ADRA1A: variants seen among roughly 807,000 people sequenced by gnomAD.
ADRA1A encodes the protein alpha-1A adrenergic receptor.
In ADRA1A, 31 loss-of-function variants were observed where a neutral mutation model predicts 29.6. The observed-to-expected ratio is 1.05, with a 90% CI of 0.79 to 1.41. ADRA1A has a LOEUF of 1.41. ADRA1A is among the 40% of genes most tolerant of loss of function. The pLI, the probability that ADRA1A is intolerant of heterozygous loss-of-function variation, is 0.00. For synonymous variants in ADRA1A, 311 were observed against 254.3 expected (o/e 1.22, Z -2.12); for missense variants, 619 against 601.1 (o/e 1.03, Z -0.31).
rs1391471439 is a variant in ADRA1A, at chr8:26,825,168, C to G, written c.883+38919G>C. 1.3e-5 allele frequency among the ~76,000 whole-genome samples: 2 copies of G among 152,208 alleles called. No homozygotes were observed. Among genetic ancestry groups the G allele is most frequent in the African/African-American group, 4.8e-5 (2 of 41,454 alleles). ...CCCCACATGTCCCACCCTGAGCTTGCTAGGCCTTCCAGGGCCTCGGTCCCC... is the reference window on the plus strand; with the variant it reads ...CCCCACATGTCCCACCCTGAGCTTGGTAGGCCTTCCAGGGCCTCGGTCCCC... On this transcript the variant is annotated intron_variant, in intron 2 of 2. Transcript: ENST00000380573. The surrounding 1 kb of genome is among the most constrained non-coding windows in gnomAD (Gnocchi z 5.7).
chr8:26,817,212 T>C (rs1304272105), intron 2 of ADRA1A, among the ~76,000 whole-genome samples: 1 of 152,080 alleles, frequency 6.6e-6, no homozygotes. Context: ...TCAATAAAAA[T>C]AGAATTGAAA....
intron 2 of ADRA1A, among the ~76,000 whole-genome samples, chr8:26,816,528 G>GGTGTGTGT (rs1357840136): frequency 2.3e-4 from 28 of 120,726 alleles, no homozygotes; most frequent in Non-Finnish European, 3.1e-4. Context: ...AGGTGCTCAT[G>GGTGTGTGT]GTGTATGTGT....
downstream of ADRA1A, among the ~76,000 whole-genome samples, chr8:26,767,251 G>A (rs1287909339): frequency 2.0e-5 from 3 of 152,136 alleles, no homozygotes; most frequent in Admixed American, 6.5e-5. Context: ...AGAAGACATC[G>A]TTACTCTGGG....
chr8:26,795,772 A>AG (rs1393310569), intron 2 of ADRA1A, among the ~76,000 whole-genome samples: 2 of 152,172 alleles, frequency 1.3e-5, no homozygotes, highest in Non-Finnish European at 2.9e-5. Context: ...AACCATAAGG[A>AG]GGAGAATATA....
Position 26,770,184 on chromosome 8 carries a change from T to C in ADRA1A, c.1366A>G (p.Thr456Ala), listed in dbSNP as rs1421717697. The C allele has an allele frequency of 1.3e-6, 2 of 1,582,580 alleles. No individual in the cohort carries two copies. The highest frequency in any genetic ancestry group is 1.2e-5 in the South Asian group (1 of 84,594). ...NHQVPTIKVH[T>A]ISLSENGEEV The stretch of plus-strand genomic sequence containing the variant: ...TCCCCGTTCTCACTGAGGGAGATGG[T>C]GTGGACCTTAATGGTTGGAACTTGA... The change falls in exon 3 of 3, where the codon ACC (threonine) becomes GCC (alanine). Residue 456 changes from threonine (T) to alanine (A), a missense_variant. Transcript: ENST00000380573.
In ADRA1A at chr8:26,787,086, T is replaced by A. The variant is rs1807448661; in HGVS notation, c.884-16420A>T. On this transcript the variant is annotated intron_variant, in intron 2 of 2. Coordinates refer to ENST00000380573, the MANE Select transcript of ADRA1A (RefSeq NM_000680.4). The surrounding 1 kb of genome is among the most constrained non-coding windows in gnomAD (Gnocchi z 4.2). The stretch of plus-strand genomic sequence containing the variant: ...AGGCTTAAGGAGTTTAATTTGCAAC[T>A]AAGGAAAATAGCTGAGCTCAGATTC... Among the ~76,000 whole-genome samples the A allele has an allele frequency of 6.6e-6, 1 of 152,132 alleles. No individual in the cohort carries two copies. The highest frequency in any genetic ancestry group is 1.5e-5 in the Non-Finnish European group (1 of 68,028).
intron 2 of ADRA1A, chr8:26,859,022 G>C (rs1375588144): frequency 8.2e-7 from 1 of 1,224,248 alleles, no homozygotes. Flanking sequence ...CAGTCAAATA[G>C]CCTACTCACC....
intron 2 of ADRA1A, among the ~76,000 whole-genome samples, chr8:26,830,077 C>T (rs1446270381): frequency 1.3e-5 from 2 of 152,118 alleles, no homozygotes; most frequent in African/African-American, 4.8e-5. Flanking sequence ...CTAATGGACT[C>T]CATTCTGAGA....
In ADRA1A at chr8:26,825,669, T is replaced by C. The variant is rs1472488156; in HGVS notation, c.883+38418A>G. Among the ~76,000 whole-genome samples, 1 of 152,226 alleles carries C rather than the reference T, an allele frequency of 6.6e-6. No homozygotes were observed. Among genetic ancestry groups the C allele is most frequent in the Non-Finnish European group, 1.5e-5 (1 of 68,040 alleles). On this transcript the variant is annotated intron_variant, in intron 2 of 2. Coordinates refer to ENST00000380573, the MANE Select transcript of ADRA1A (RefSeq NM_000680.4). This position sits in a 1 kb window ranked among gnomAD's most constrained non-coding sequence, Gnocchi z 5.7. ...CCTTCACAGAGCAACTGTCATTCTTTAGGAAAAATCAAAATTTAGCTTGTA... is the reference window on the plus strand; with the variant it reads ...CCTTCACAGAGCAACTGTCATTCTTCAGGAAAAATCAAAATTTAGCTTGTA...
intron 2 of ADRA1A, among the ~76,000 whole-genome samples, chr8:26,846,153 G>A (rs551284085): frequency 6.6e-6 from 1 of 152,198 alleles, no homozygotes; most frequent in Non-Finnish European, 1.5e-5. Flanking sequence ...GGCATCTGGA[G>A]ACCTCAGGGT....
Position 26,864,475 on chromosome 8 carries a change from C to G in ADRA1A, c.495G>C (p.Trp165Cys), listed in dbSNP as rs997765683. Reference sequence around the variant, plus strand: ...TCTCGTCCTCGGGGGCCGGCTGCCTCCAGCCGAACAGGGGTCCAATGGATA... The same window carrying G: ...TCTCGTCCTCGGGGGCCGGCTGCCTGCAGCCGAACAGGGGTCCAATGGATA... Reference protein sequence around the residue: ...LVISIGPLFGWRQPAPEDETI... With the variant: ...LVISIGPLFGCRQPAPEDETI... Residue 165 changes from tryptophan to cysteine, a missense_variant, in exon 2 of 3, where the codon TGG becomes TGC. Trp to Cys is a radical substitution (Grantham distance 215, BLOSUM62 -2). Coordinates refer to ENST00000380573, the MANE Select transcript of ADRA1A (RefSeq NM_000680.4). The surrounding 1 kb of genome is among the most constrained non-coding windows in gnomAD (Gnocchi z 8.1). 1.2e-6 allele frequency: 2 copies of G among 1,613,588 alleles called. No individual in the cohort carries two copies. Among genetic ancestry groups the G allele is most frequent in the Non-Finnish European group, 1.7e-6 (2 of 1,180,040 alleles).
downstream of ADRA1A, among the ~76,000 whole-genome samples, chr8:26,767,500 G>A (rs1387385881): frequency 1.3e-5 from 2 of 152,158 alleles, no homozygotes; most frequent in Non-Finnish European, 2.9e-5. Context: ...GGAAAAAAAT[G>A]TTAAAAGTTT....
chr8:26,770,734 A>G, intron 2 of ADRA1A, 68 bp from the exon 3 acceptor site: 1 of 1,512,576 alleles, frequency 6.6e-7, no homozygotes, highest in South Asian at 1.3e-5. Context: ...TAGGAAAACA[A>G]TCAAACAGAC....
downstream of ADRA1A, among the ~76,000 whole-genome samples, chr8:26,754,537 A>C (rs1022397884): frequency 6.6e-6 from 1 of 152,116 alleles, no homozygotes; most frequent in Non-Finnish European, 1.5e-5. Context: ...CATAGCAGCT[A>C]AAATCAGCCA....
At chr8:26,764,684 C>T (rs149683681), downstream of ADRA1A, among the ~76,000 whole-genome samples, 7 of 152,266 alleles carry the variant, frequency 4.6e-5, no homozygotes, top group Non-Finnish European at 1.0e-4. Flanking sequence ...TTCTACTGCA[C>T]AGGGATGACT....
intron 2 of ADRA1A, among the ~76,000 whole-genome samples, chr8:26,861,960 C>G (rs547016518): frequency 1.3e-5 from 2 of 152,106 alleles, no homozygotes; most frequent in South Asian, 2.1e-4. Flanking sequence ...AGCCAATTTT[C>G]CCCCCAACAA....
At chr8:26,845,065 A>T (rs1469809838) in intron 2 of ADRA1A, among the ~76,000 whole-genome samples, 1 of 152,220 alleles carries the variant, frequency 6.6e-6, no homozygotes, top group Non-Finnish European at 1.5e-5. Context: ...CCAAGAACAC[A>T]TGCAACAAAA....
At chr8:26,756,538 C>A (rs1403081300) in exon 3 of ADRA1A, 3 of 1,539,828 alleles carry the variant, frequency 1.9e-6, no homozygotes, top group Non-Finnish European at 2.6e-6. Context: ...CATTCATGAT[C>A]ATTCCTTAAG....
chr8:26,823,393 A>G lies in ADRA1A; in HGVS notation c.883+40694T>C, dbSNP rs936095890. Among the ~76,000 whole-genome samples the G allele has an allele frequency of 3.3e-5, 5 of 152,190 alleles. No individual in the cohort carries two copies. The highest frequency in any genetic ancestry group is 1.2e-4 in the African/African-American group (5 of 41,444). ...TAGGTCATGAATGGGAATGCACACC[A>G]GTGTAATATCTTTGTCCCTGGTGAG... On this transcript the variant is annotated intron_variant, in intron 2 of 2. Transcript: ENST00000380573. This position sits in a 1 kb window ranked among gnomAD's most constrained non-coding sequence, Gnocchi z 4.2.
Sources: gnomAD v4.1 joint callset for allele counts (sites outside exome capture counted in the v4.1 genomes callset) on GRCh38, gnomAD v4.1.1 for gene constraint, Gnocchi (gnomAD v3.1) non-coding constraint, MANE v1.5 for transcripts, NCBI Gene and HGNC (gene_info 2026-07-23, HGNC 2026-07-21) for gene names.